The following BTF3 variants were observed in gnomAD, a reference collection of about 807,000 sequenced individuals.
BTF3 encodes basic transcription factor 3.
A neutral mutation model predicts 23.9 loss-of-function variants in BTF3; 12 were observed. The observed-to-expected ratio is 0.50, with a 90% confidence interval of 0.32 to 0.81. The LOEUF (loss-of-function observed/expected upper bound fraction) is 0.81. BTF3 is among the 40% of genes least tolerant of loss of function. The pLI, the probability that BTF3 is intolerant of heterozygous loss-of-function variation, is 0.03. For synonymous variants in BTF3, 96 were observed against 94.8 expected (o/e 1.01, Z -0.07); for missense variants, 215 against 255.9 (o/e 0.84, Z 1.09).
chr5:73,504,600 G>A, intron 5 of BTF3, 197 bp downstream of exon 5: 1 of 428,948 alleles, frequency 2.3e-6, no homozygotes, highest in Non-Finnish European at 4.2e-6. Flanking sequence ...TTCTGTTTGG[G>A]ATCCCAAGGA....
chr5:73,504,420 G>T lies in BTF3; in HGVS notation c.574+17G>T, dbSNP rs750871538. ...AAGTTCCAGGTAGGAACGTTTACTT[G>T]TGGTTAACCTAGAGAATCTTAGCAA... On this transcript the variant is annotated intron_variant, in intron 5 of 5. Coordinates refer to ENST00000380591, the MANE Select transcript of BTF3 (RefSeq NM_001037637.2). 5 of 1,595,404 alleles carry T rather than the reference G, an allele frequency of 3.1e-6. No homozygotes were observed. The highest frequency in any genetic ancestry group is 4.3e-6 in the Non-Finnish European group (5 of 1,170,746).
chr5:73,505,336 A>C lies in BTF3; in HGVS notation c.*98A>C. 2 of 1,084,730 alleles carry C rather than the reference A, an allele frequency of 1.8e-6. No homozygotes were observed. The highest frequency in any genetic ancestry group is 2.7e-6 in the Non-Finnish European group (2 of 745,178). 67.2% of individuals were successfully genotyped at this position (1,084,730 alleles called of 1,614,324 possible). On this transcript the variant is annotated 3_prime_UTR_variant, in exon 6 of 6. Transcript: ENST00000380591. Reference sequence around the variant, plus strand: ...TAAGAAATTTTTGTTTATGGATCTGATAAAATCTAGATCTCTAATATTTTT... The same window carrying C: ...TAAGAAATTTTTGTTTATGGATCTGCTAAAATCTAGATCTCTAATATTTTT...
At chr5:73,501,813 T>A (rs548371667) in intron 2 of BTF3, among the ~76,000 whole-genome samples, 311 of 152,314 alleles carry the variant, frequency 2.0e-3, no homozygotes, top group Non-Finnish European at 3.3e-3. Context: ...TTCATTTGAT[T>A]GTTCCATACA....
chr5:73,502,353 T>C lies in BTF3; in HGVS notation c.202-135T>C, dbSNP rs1323314637. The C allele has an allele frequency of 8.6e-6, 5 of 581,854 alleles. No individual in the cohort carries two copies. In the Admixed American group the frequency reaches 1.1e-4, roughly 13 times the overall value. 36.0% of individuals were successfully genotyped at this position (581,854 alleles called of 1,614,324 possible). On this transcript the variant is annotated intron_variant, in intron 2 of 5. Coordinates refer to ENST00000380591, the MANE Select transcript of BTF3 (RefSeq NM_001037637.2). ...TCTTCGCCTTAGCCTGCCTGCTCAC[T>C]GCATAAGTTTATGATTATGGTAATG...
At chr5:73,505,167 A>C (rs775110377) in intron 5 of BTF3, 25 bp from the exon 6 acceptor site, 8 of 1,600,846 alleles carry the variant, frequency 5.0e-6, no homozygotes, top group Non-Finnish European at 1.7e-6. Context: ...TTTTTTAAGA[A>C]TTTCTACTCT....
intron 2 of BTF3, 71 bp from the exon 3 acceptor site, chr5:73,502,417 C>A: frequency 9.2e-7 from 1 of 1,082,430 alleles, no homozygotes; most frequent in Non-Finnish European, 1.3e-6. Flanking sequence ...GAATTGGAAA[C>A]TATTCCCATT....
rs34051700 is a variant in BTF3, at chr5:73,504,267, C to CTTTTTTTT, written c.518-62_518-55dup. 4.4e-3 allele frequency: 548 copies of CTTTTTTTT among 125,210 alleles called. 48 individuals are homozygous for CTTTTTTTT. The highest frequency in any genetic ancestry group is 9.9e-3 in the African/African-American group (171 of 17,310). 7.8% of individuals were successfully genotyped at this position (125,210 alleles called of 1,614,324 possible). A position where few individuals can be genotyped will look rare whatever the true frequency, so the allele number is the denominator to read the frequency against. On this transcript the variant is annotated intron_variant, in intron 4 of 5. Transcript: ENST00000380591. ...AACAACACTTGGCATTTCATCTGTT[C>CTTTTTTTT]TTTTTTTTTTTTTTTTTTTTTTTTT...
rs1177698552 is a variant in BTF3 at position 73,501,286 on chromosome 5, T to A, written c.202-1202T>A. ...GGAGGTTGGGGGACGGTGAGGTGGTTGGGTGTGATAGACTTTCCTTGAGTG... is the reference window on the plus strand; with the variant it reads ...GGAGGTTGGGGGACGGTGAGGTGGTAGGGTGTGATAGACTTTCCTTGAGTG... On this transcript the variant is annotated intron_variant, in intron 2 of 5. Coordinates refer to ENST00000380591, the MANE Select transcript of BTF3 (RefSeq NM_001037637.2). 2.6e-5 allele frequency among the ~76,000 whole-genome samples: 4 copies of A among 152,210 alleles called. No homozygotes were observed. The East Asian group carries it at 7.7e-4, about 29-fold the overall frequency.
At chr5:73,503,224 G>A in intron 4 of BTF3, 107 bp downstream of exon 4, 11 of 1,171,134 alleles carry the variant, frequency 9.4e-6, no homozygotes, top group Non-Finnish European at 1.3e-5. Flanking sequence ...GGAAATGCAA[G>A]CTTTAAAAAT....
intron 3 of BTF3, 148 bp from the exon 4 acceptor site, chr5:73,502,768 A>T: frequency 1.1e-6 from 1 of 875,634 alleles, no homozygotes. Context: ...TTAAGTCTGA[A>T]TGCTATTAGA....
chr5:73,504,854 T>A (rs1489499026), intron 5 of BTF3: 1 of 227,252 alleles, frequency 4.4e-6, no homozygotes. Context: ...TGGATAAATT[T>A]ACGTTCTTCT....
chr5:73,499,288 T>C lies in BTF3; in HGVS notation c.201+86T>C, dbSNP rs780371955. The C allele has an allele frequency of 3.6e-6, 5 of 1,404,852 alleles. No individual in the cohort carries two copies. In the South Asian group the frequency reaches 6.0e-5, roughly 17 times the overall value. 87.0% of individuals were successfully genotyped at this position (1,404,852 alleles called of 1,614,324 possible). A position where few individuals can be genotyped will look rare whatever the true frequency, so the allele number is the denominator to read the frequency against. Reference sequence around the variant, plus strand: ...CATATTCCTTTTGCGCTTCTTATATTATCGGTGACAAACTTTGCCTATCGA... The same window carrying C: ...CATATTCCTTTTGCGCTTCTTATATCATCGGTGACAAACTTTGCCTATCGA... On this transcript the variant is annotated intron_variant, in intron 2 of 5. Coordinates refer to ENST00000380591, the MANE Select transcript of BTF3 (RefSeq NM_001037637.2).
intron 2 of BTF3, among the ~76,000 whole-genome samples, chr5:73,499,822 G>A (rs1420658246): frequency 6.6e-6 from 1 of 152,160 alleles, no homozygotes. Flanking sequence ...GGTGGATACT[G>A]ATTCACATCA....
chr5:73,500,208 C>T (rs1233133710), intron 2 of BTF3, among the ~76,000 whole-genome samples: 1 of 152,136 alleles, frequency 6.6e-6, no homozygotes, highest in Non-Finnish European at 1.5e-5. Flanking sequence ...AGGATCCACA[C>T]CCACACATTT....
intron 5 of BTF3, 137 bp downstream of exon 5, chr5:73,504,540 T>C: frequency 3.3e-6 from 2 of 602,592 alleles, no homozygotes; most frequent in Non-Finnish European, 5.7e-6. Flanking sequence ...AGAAAAATAA[T>C]GCAGTATTAG....
chr5:73,502,881 A>T (rs1236444073), intron 3 of BTF3, 35 bp from the exon 4 acceptor site: 1 of 1,584,248 alleles, frequency 6.3e-7, no homozygotes, highest in Non-Finnish European at 8.6e-7. Flanking sequence ...GAGACTGGTC[A>T]GCATTGCTAA....
At position 73,498,771 on chromosome 5, in the gene BTF3, G is replaced by C; in HGVS notation, c.104G>C (p.Arg35Pro). ...GCGACGCTGTCTCAACCTCCACCTC[G>C]CGGCGGAACCCGAGGACAGGAGCCT... is the stretch of plus-strand genomic sequence containing the variant. ...GEATLSQPPP[R>P]GGTRGQEPQM... The change falls in exon 1 of 6, where the codon CGC (arginine) becomes CCC (proline). Residue 35 changes from arginine to proline, a missense_variant. Around this residue, in one of 2 missense-constraint regions of BTF3, gnomAD observed 116 missense variants for 84.7 expected, o/e 1.37. Transcript: ENST00000380591. The C allele has an allele frequency of 6.6e-7, 1 of 1,505,278 alleles. No homozygotes were observed. Among genetic ancestry groups the C allele is most frequent in the Middle Eastern group, 2.1e-4 (1 of 4,794 alleles). The allele number at this position is 1,505,278 out of a possible 1,614,324, so 93.2% of individuals were successfully genotyped here.
In BTF3 at chr5:73,504,332, A is replaced by G. The variant is rs1033120011; in HGVS notation, c.518-15A>G. The G allele has an allele frequency of 1.6e-5, 22 of 1,372,736 alleles. No individual in the cohort carries two copies. Among genetic ancestry groups the G allele is most frequent in the African/African-American group, 9.1e-5 (5 of 55,248 alleles). The allele number at this position is 1,372,736 out of a possible 1,614,324, so 85.0% of individuals were successfully genotyped here. ...AAAAACCTAGACAAATAATGTTTAC[A>G]TTTTCCTTTCATAGCTGTGGATGGA... On this transcript the variant is annotated splice_polypyrimidine_tract_variant and intron_variant, in intron 4 of 5. Coordinates refer to ENST00000380591, the MANE Select transcript of BTF3 (RefSeq NM_001037637.2).
At chr5:73,502,643 T>G (rs778933123) in intron 3 of BTF3, 42 bp downstream of exon 3, 5 of 1,472,508 alleles carry the variant, frequency 3.4e-6, no homozygotes, top group Non-Finnish European at 4.6e-6. Context: ...AAGATTTGGC[T>G]GGGAAAAGTT....
Sources: gnomAD v4.1 joint callset for allele counts (sites outside exome capture counted in the v4.1 genomes callset) on GRCh38, gnomAD v4.1.1 for gene constraint, gnomAD v4.1.1 regional missense constraint, MANE v1.5 for transcripts, NCBI Gene and HGNC (gene_info 2026-07-23, HGNC 2026-07-21) for gene names.